LPIN1: variants seen among roughly 807,000 people sequenced by gnomAD.
The protein encoded by LPIN1 is lipin 1, also known as phosphatidate phosphatase LPIN1.
A neutral mutation model predicts 107.5 loss-of-function variants in LPIN1; 71 were observed. The observed-to-expected ratio is 0.66, with a 90% CI of 0.55 to 0.80. The LOEUF is 0.80. Ranked by LOEUF, LPIN1 falls within the 30% of genes least tolerant of loss-of-function variation. The pLI is 0.00. For missense variants in LPIN1, 1,043 were observed against 1,160.6 expected, an observed-to-expected ratio of 0.90 and a Z score of 1.47; for synonymous variants, 445 against 452.6, an observed-to-expected ratio of 0.98 and a Z score of 0.21.
Position 11,802,972 on chromosome 2 carries a change from A to C in LPIN1, c.1952A>C (p.His651Pro), listed in dbSNP as rs1370010598. 1 of 1,613,178 alleles carries C rather than the reference A, an allele frequency of 6.2e-7. No homozygotes were observed. Among genetic ancestry groups the C allele is most frequent in the African/African-American group, 1.3e-5 (1 of 74,894 alleles). Reference protein sequence around the residue: ...RAAAKPSNAGHLPLLPNVSYK... With the variant: ...RAAAKPSNAGPLPLLPNVSYK... ...GCTGCCAAGCCATCAAACGCAGGCC[A>C]CCTCCCTCTTCTGCCTAATGTCAGC... Residue 651 changes from histidine (H) to proline (P), a missense_variant, in exon 15 of 21, where the codon CAC becomes CCC. Physicochemically the swap from His to Pro is moderately conservative, Grantham distance 77. Transcript: ENST00000674199.
rs1682470528 is a variant in LPIN1, at chr2:11,827,229, G to T, written c.*2438G>T. On this transcript the variant is annotated 3_prime_UTR_variant, in exon 21 of 21. Transcript: ENST00000674199. The surrounding 1 kb of genome is among the most constrained non-coding windows in gnomAD (Gnocchi z 4.1). Reference sequence around the variant, plus strand: ...AGAAAAATAATTACACTTTCAAAGAGAATTCCCTTTGCAATTTTATGTTTG... The same window carrying T: ...AGAAAAATAATTACACTTTCAAAGATAATTCCCTTTGCAATTTTATGTTTG... 6.6e-6 allele frequency: 1 copy of T among 152,560 alleles called. No homozygotes were observed. The highest frequency in any genetic ancestry group is 1.5e-5 in the Non-Finnish European group (1 of 68,044). The allele number at this position is 152,560 out of a possible 1,614,324, so 9.5% of individuals were successfully genotyped here. A position where few individuals can be genotyped will look rare whatever the true frequency, so the allele number is the denominator to read the frequency against.
At chr2:11,787,957 A>G (rs932369264) in intron 11 of LPIN1, among the ~76,000 whole-genome samples, 3 of 151,180 alleles carry the variant, frequency 2.0e-5, no homozygotes, top group African/African-American at 7.4e-5. Flanking sequence ...AAAAAAAAAG[A>G]AAAGAAAAAC....
At chr2:11,776,384 A>G (rs1179201066) in intron 6 of LPIN1, among the ~76,000 whole-genome samples, 191 bp downstream of exon 6, 1 of 152,106 alleles carries the variant, frequency 6.6e-6, no homozygotes, top group Non-Finnish European at 1.5e-5. Context: ...AAAAATATGT[A>G]TATAGATTAC....
At chr2:11,794,325 C>T (rs1041730271) in intron 13 of LPIN1, among the ~76,000 whole-genome samples, 7 of 152,048 alleles carry the variant, frequency 4.6e-5, no homozygotes, top group African/African-American at 7.2e-5. Flanking sequence ...AGTGGAGTGC[C>T]GCTATAAAGT....
intron 14 of LPIN1, among the ~76,000 whole-genome samples, chr2:11,801,941 C>T (rs1037032889): frequency 2.6e-5 from 4 of 151,682 alleles, no homozygotes; most frequent in Non-Finnish European, 5.9e-5. Flanking sequence ...ATACGAAAGA[C>T]AGTAAAAAAA....
chr2:11,772,878 G>C (rs1030792256), intron 4 of LPIN1, among the ~76,000 whole-genome samples: 19 of 152,070 alleles, frequency 1.2e-4, no homozygotes, highest in African/African-American at 4.6e-4. Flanking sequence ...ATCTTTTTTC[G>C]TGGTGAAAAA....
chr2:11,702,027 G>C (rs1043341497), intron 1 of LPIN1, among the ~76,000 whole-genome samples: 1 of 152,126 alleles, frequency 6.6e-6, no homozygotes, highest in Non-Finnish European at 1.5e-5. Context: ...TGTCTTAAGA[G>C]TACTAGAGAT....
intron 17 of LPIN1, among the ~76,000 whole-genome samples, chr2:11,814,663 G>A (rs916939558): frequency 6.6e-6 from 1 of 151,980 alleles, no homozygotes; most frequent in Non-Finnish European, 1.5e-5. Flanking sequence ...GTGTAGGGGC[G>A]AATGAAGCAA....
At position 11,765,354 on chromosome 2, in the gene LPIN1, G is replaced by C. The variant is rs1396552483; in HGVS notation, c.-9-179G>C. On this transcript the variant is annotated intron_variant, in intron 1 of 20. Coordinates refer to ENST00000674199, the MANE Select transcript of LPIN1 (RefSeq NM_001349206.2). This position sits in a 1 kb window ranked among gnomAD's most constrained non-coding sequence, Gnocchi z 4.4. ...ACACTGATGGGCCGTGATGGGCCCT[G>C]ATGGGCCCTGATGGACCCTGATGGG... Among the ~76,000 whole-genome samples the C allele has an allele frequency of 6.6e-6, 1 of 152,214 alleles. No homozygotes were observed. Among genetic ancestry groups the C allele is most frequent in the African/African-American group, 2.4e-5 (1 of 41,466 alleles).
chr2:11,679,563 G>A (rs1021490796), intron 1 of LPIN1, among the ~76,000 whole-genome samples: 1 of 152,164 alleles, frequency 6.6e-6, no homozygotes, highest in Non-Finnish European at 1.5e-5. Context: ...TGTCAAACCC[G>A]CCACGTGTCC....
chr2:11,721,381 T>C (rs1558750466), upstream of LPIN1, among the ~76,000 whole-genome samples: 1 of 151,480 alleles, frequency 6.6e-6, no homozygotes, highest in Non-Finnish European at 1.5e-5. Flanking sequence ...AGGCCATGGC[T>C]AAAATGTGTC....
At chr2:11,782,602 G>A (rs1673769763) in intron 8 of LPIN1, 95 bp downstream of exon 8, 2 of 1,368,688 alleles carry the variant, frequency 1.5e-6, no homozygotes, top group Non-Finnish European at 2.1e-6. Context: ...AGGAAACTGA[G>A]GTAGAAACTG....
intron 1 of LPIN1, among the ~76,000 whole-genome samples, chr2:11,679,880 T>A (rs1661618418): frequency 6.6e-6 from 1 of 152,196 alleles, no homozygotes; most frequent in Non-Finnish European, 1.5e-5. Flanking sequence ...AGGGGCCTGG[T>A]GGCCTTGGCC....
At chr2:11,770,229 G>C (rs1306519926) in intron 3 of LPIN1, among the ~76,000 whole-genome samples, 1 of 152,216 alleles carries the variant, frequency 6.6e-6, no homozygotes, top group African/African-American at 2.4e-5. Flanking sequence ...CTGTATGGGG[G>C]CTGCTTGCTG....
At position 11,680,791 on chromosome 2, in the gene LPIN1, T is replaced by G. The variant is rs548744808; in HGVS notation, c.81+3063T>G. Among the ~76,000 whole-genome samples the G allele has an allele frequency of 2.5e-3, 373 of 152,218 alleles. 2 individuals carry two copies. Among genetic ancestry groups the G allele is most frequent in the African/African-American group, 8.4e-3 (349 of 41,520 alleles). ...GTGTGTGTGGTGACATTCGTCTTGG[T>G]CAGGCACCCTGCCTATGAAAGATAG... On this transcript the variant is annotated intron_variant, in intron 1 of 21. Transcript: ENST00000449576.
chr2:11,822,798 G>T (rs1031567722), intron 20 of LPIN1, among the ~76,000 whole-genome samples: 1 of 152,178 alleles, frequency 6.6e-6, no homozygotes, highest in African/African-American at 2.4e-5. Flanking sequence ...TGCCATGCAC[G>T]CATGGAAAGA....
At chr2:11,714,334 G>C (rs1663593236) in intron 2 of LPIN1, among the ~76,000 whole-genome samples, 1 of 152,146 alleles carries the variant, frequency 6.6e-6, no homozygotes, top group African/African-American at 2.4e-5. Flanking sequence ...GCATCTCTGG[G>C]ATTGTTTTTC....
intron 11 of LPIN1, 33 bp downstream of exon 11, chr2:11,787,200 G>T: frequency 7.5e-7 from 1 of 1,335,556 alleles, no homozygotes. Context: ...TTTGGCAGTA[G>T]CATGATACTG....
chr2:11,705,143 A>C (rs1004185793), intron 1 of LPIN1, among the ~76,000 whole-genome samples: 1 of 152,194 alleles, frequency 6.6e-6, no homozygotes, highest in African/African-American at 2.4e-5. Flanking sequence ...CCTCCCATAA[A>C]TAGTAGCCTG....
Sources: gnomAD v4.1 joint callset for allele counts (sites outside exome capture counted in the v4.1 genomes callset) on GRCh38, gnomAD v4.1.1 for gene constraint, Gnocchi (gnomAD v3.1) non-coding constraint, MANE v1.5 for transcripts, NCBI Gene and HGNC (gene_info 2026-07-23, HGNC 2026-07-21) for gene names.